TARBP1: variants seen among roughly 807,000 people sequenced by gnomAD.
TARBP1 encodes tRNA (guanosine(18)-2'-O)-methyltransferase TARBP1.
Under a neutral mutation model 178.6 loss-of-function variants are expected in TARBP1, and 144 were observed. The observed-to-expected ratio is 0.81, with a 90% confidence interval of 0.70 to 0.93. The LOEUF (loss-of-function observed/expected upper bound fraction) is 0.93, where lower values mean the gene tolerates loss of function less well. TARBP1 is among the 40% of genes least tolerant of loss of function. The pLI is 0.00. For missense variants in TARBP1, 2,067 were observed against 2,011.7 expected, an observed-to-expected ratio of 1.03 and a Z score of -0.53; for synonymous variants, 787 against 781.0, an observed-to-expected ratio of 1.01 and a Z score of -0.13.
chr1:234,415,038 G>C (rs1037418405), intron 22 of TARBP1, among the ~76,000 whole-genome samples: 28 of 152,182 alleles, frequency 1.8e-4, no homozygotes, highest in Non-Finnish European at 2.9e-5. Context: ...TGGAACACAG[G>C]CACCTCTTTC....
intron 12 of TARBP1, among the ~76,000 whole-genome samples, chr1:234,438,292 G>GAA (rs111619785): frequency 6.6e-6 from 1 of 151,062 alleles, no homozygotes; most frequent in African/African-American, 2.4e-5. Flanking sequence ...AGCTGATATG[G>GAA]AAAAAAAAAT....
intron 14 of TARBP1, among the ~76,000 whole-genome samples, chr1:234,432,158 G>A (rs1355388672): frequency 2.8e-5 from 4 of 143,896 alleles, no homozygotes; most frequent in Non-Finnish European, 4.5e-5. Flanking sequence ...AAAAAGCCTT[G>A]AGGCCAGGCA....
rs752798421 is a variant in TARBP1, at chr1:234,393,668, G to C, written c.4413C>G (p.Ile1471Met). The C allele has an allele frequency of 1.2e-6, 2 of 1,612,098 alleles. No homozygotes were observed. The highest frequency in any genetic ancestry group is 1.1e-5 in the South Asian group (1 of 90,998). The change falls in exon 27 of 30, where the codon ATC becomes ATG. Residue 1471 changes from isoleucine to methionine, a missense_variant. Ile to Met is a conservative substitution (Grantham distance 10). Coordinates refer to ENST00000040877, the MANE Select transcript of TARBP1 (RefSeq NM_005646.4). The part of the protein sequence containing the change: ...ISRLIVVASL[I>M]DKPTNLGGLC... The stretch of plus-strand genomic sequence containing the variant: ...TACCTCCTAAATTGGTCGGTTTGTC[G>C]ATGAGCGAGGCCACAACGATGAGTC...
chr1:234,444,293 T>C (rs1665919833), intron 12 of TARBP1, among the ~76,000 whole-genome samples: 1 of 152,162 alleles, frequency 6.6e-6, no homozygotes, highest in Non-Finnish European at 1.5e-5. Flanking sequence ...TACTGAAGGC[T>C]CATATAACCC....
intron 23 of TARBP1, chr1:234,406,773 G>T (rs187787491): frequency 6.6e-6 from 1 of 152,342 alleles, no homozygotes; most frequent in Admixed American, 6.5e-5. Context: ...GACACTGAAG[G>T]TCAAAGGAAG....
chr1:234,426,245 C>T (rs562400024), intron 19 of TARBP1, among the ~76,000 whole-genome samples: 2 of 152,352 alleles, frequency 1.3e-5, no homozygotes, highest in Admixed American at 1.3e-4. Flanking sequence ...TCAGGAAGCA[C>T]TGTGTGCTCT....
intron 12 of TARBP1, among the ~76,000 whole-genome samples, chr1:234,445,451 CA>C (rs1400161225): frequency 2.6e-5 from 4 of 151,854 alleles, no homozygotes; most frequent in Non-Finnish European, 4.4e-5. Flanking sequence ...CTTCTTATTA[CA>C]AATAGTAATA....
chr1:234,434,399 G>A (rs979907871), intron 13 of TARBP1, among the ~76,000 whole-genome samples: 11 of 152,252 alleles, frequency 7.2e-5, no homozygotes, highest in Admixed American at 3.9e-4. Context: ...ACCACTGGAC[G>A]CCAAGCACTT....
At chr1:234,446,145 C>T (rs3768286) in intron 12 of TARBP1, among the ~76,000 whole-genome samples, 45,699 of 151,930 alleles carry the variant, frequency 0.3, 7,075 homozygotes, top group Admixed American at 0.41. Context: ...AATTTTTAAA[C>T]AGGAAATTTC....
intron 13 of TARBP1, among the ~76,000 whole-genome samples, chr1:234,435,617 G>A (rs73101947): frequency 0.02 from 3,061 of 152,206 alleles, 71 homozygotes; most frequent in African/African-American, 0.06. Flanking sequence ...AAATAGAGAC[G>A]GATGAAATCC....
intron 25 of TARBP1, among the ~76,000 whole-genome samples, chr1:234,399,392 T>C (rs918201312): frequency 6.6e-6 from 1 of 152,214 alleles, no homozygotes; most frequent in African/African-American, 2.4e-5. Context: ...ACATGTTGAT[T>C]AAGGGGGAAC....
chr1:234,478,650 G>C lies in TARBP1; in HGVS notation c.454C>G (p.Arg152Gly). 7.8e-7 allele frequency: 1 copy of C among 1,275,110 alleles called. No homozygotes were observed. The highest frequency in any genetic ancestry group is 9.9e-7 in the Non-Finnish European group (1 of 1,012,092). 79.0% of individuals were successfully genotyped at this position (1,275,110 alleles called of 1,614,324 possible). ...EVLAAVGPCLRPREDGPLLER... is the reference protein window; with the variant it reads ...EVLAAVGPCLGPREDGPLLER... ...AGTAGCGGCCCGTCCTCGCGGGGCC[G>C]CAAACATGGCCCGACGGCTGCTAGC... The change falls in exon 1 of 30, where the codon CGG becomes GGG. Residue 152 changes from arginine (R) to glycine (G), a missense_variant. Coordinates refer to ENST00000040877, the MANE Select transcript of TARBP1 (RefSeq NM_005646.4).
chr1:234,460,170 T>C lies in TARBP1; in HGVS notation c.1535+91A>G, dbSNP rs1165123224. On this transcript the variant is annotated intron_variant, in intron 7 of 29. Coordinates refer to ENST00000040877, the MANE Select transcript of TARBP1 (RefSeq NM_005646.4). ...CCAATCCCAATATTAACTATATCCATTTACTGTAGATTAAAGCAGAGGAGA... is the reference window on the plus strand; with the variant it reads ...CCAATCCCAATATTAACTATATCCACTTACTGTAGATTAAAGCAGAGGAGA... The C allele has an allele frequency of 7.2e-6, 10 of 1,396,654 alleles. No homozygotes were observed. In the African/African-American group the frequency reaches 1.2e-4, roughly 16 times the overall value. The allele number at this position is 1,396,654 out of a possible 1,614,324, so 86.5% of individuals were successfully genotyped here.
In TARBP1 at chr1:234,450,505, A is replaced by C. The variant is rs765774963; in HGVS notation, c.1784T>G (p.Ile595Ser). 16 of 1,611,978 alleles carry C rather than the reference A, an allele frequency of 9.9e-6. No individual in the cohort carries two copies. The Admixed American group carries it at 2.0e-4, about 20-fold the overall frequency. The change falls in exon 10 of 30, where the codon ATT (isoleucine) becomes AGT (serine). Residue 595 changes from isoleucine (I) to serine (S), a missense_variant. Coordinates refer to ENST00000040877, the MANE Select transcript of TARBP1 (RefSeq NM_005646.4). ...ATTTAAAGATGTCTTGTGAAGTCCA[A>C]TGGAGCTACACGTAGGGGATGGCTT... ...YFKPSPTCSS[I>S]GLHKTSLNAY...
chr1:234,478,748 G>C lies in TARBP1; in HGVS notation c.356C>G (p.Ala119Gly). Residue 119 changes from alanine to glycine, a missense_variant, in exon 1 of 30, where the codon GCG (alanine) becomes GGG (glycine). Coordinates refer to ENST00000040877, the MANE Select transcript of TARBP1 (RefSeq NM_005646.4). Reference sequence around the variant, plus strand: ...ATCGCGCAGCGCCTCCTCAGCCAGCGCGGCCGCCAGCTGCGGACGCCCGGC... The same window carrying C: ...ATCGCGCAGCGCCTCCTCAGCCAGCCCGGCCGCCAGCTGCGGACGCCCGGC... ...RLAGRPQLAAALAEEALRDLL... is the reference protein window; with the variant it reads ...RLAGRPQLAAGLAEEALRDLL... 8.6e-7 allele frequency: 1 copy of C among 1,166,804 alleles called. No homozygotes were observed. Among genetic ancestry groups the C allele is most frequent in the Non-Finnish European group, 1.1e-6 (1 of 947,556 alleles). 72.3% of individuals were successfully genotyped at this position (1,166,804 alleles called of 1,614,324 possible).
chr1:234,395,443 A>G (rs1451849385), intron 26 of TARBP1, among the ~76,000 whole-genome samples: 1 of 152,220 alleles, frequency 6.6e-6, no homozygotes, highest in Non-Finnish European at 1.5e-5. Flanking sequence ...AGGAGGAGGC[A>G]GCTTTGGGAA....
intron 12 of TARBP1, among the ~76,000 whole-genome samples, chr1:234,443,103 C>A (rs1207801449): frequency 1.3e-5 from 2 of 152,032 alleles, no homozygotes; most frequent in Non-Finnish European, 2.9e-5. Context: ...CCAGCCTGAC[C>A]AACATGCAGA....
intron 3 of TARBP1, among the ~76,000 whole-genome samples, chr1:234,468,078 C>T (rs1040954809): frequency 1.3e-5 from 2 of 152,156 alleles, no homozygotes; most frequent in Admixed American, 1.3e-4. Context: ...CGCACCCAGA[C>T]TGTTTTTAGT....
rs559499840 is a variant in TARBP1, at chr1:234,424,188, A to G, written c.3444+1485T>C. 2.6e-5 allele frequency among the ~76,000 whole-genome samples: 4 copies of G among 152,364 alleles called. No homozygotes were observed. The South Asian group carries it at 8.3e-4, about 32-fold the overall frequency. On this transcript the variant is annotated intron_variant, in intron 20 of 29. Transcript: ENST00000040877. ...CCATGAGTTCTGTAGTCATTCATAC[A>G]TCCACACCAAGGTCAGAAAGCAGAC...
Sources: gnomAD v4.1 joint callset for allele counts (sites outside exome capture counted in the v4.1 genomes callset) on GRCh38, gnomAD v4.1.1 for gene constraint, MANE v1.5 for transcripts, NCBI Gene and HGNC (gene_info 2026-07-23, HGNC 2026-07-21) for gene names.